Variants in CDKAL1 observed in about 807,000 individuals in gnomAD.
CDKAL1 encodes the protein threonylcarbamoyladenosine tRNA methylthiotransferase.
In CDKAL1, 32 loss-of-function variants were observed where a neutral mutation model predicts 68.2. That is an observed-to-expected ratio of 0.47 (90% confidence interval 0.35 to 0.63). The LOEUF is 0.63. Ranked by LOEUF, CDKAL1 falls within the 30% of genes least tolerant of loss-of-function variation. The pLI is 0.00. For synonymous variants in CDKAL1, 234 were observed against 244.3 expected (o/e 0.96, Z 0.39); for missense variants, 606 against 696.7 (o/e 0.87, Z 1.47).
intron 9 of CDKAL1, among the ~76,000 whole-genome samples, chr6:20,874,695 G>T (rs530854634): frequency 1.3e-5 from 2 of 151,894 alleles, no homozygotes; most frequent in South Asian, 2.1e-4. Flanking sequence ...TGGAGATGGG[G>T]TTTCACCATG....
chr6:21,167,301 T>C (rs1347733842), intron 13 of CDKAL1, among the ~76,000 whole-genome samples: 1 of 152,198 alleles, frequency 6.6e-6, no homozygotes, highest in Admixed American at 6.5e-5. Flanking sequence ...AAAGGTACTG[T>C]CAAAGCTGAC....
intron 8 of CDKAL1, among the ~76,000 whole-genome samples, chr6:20,797,794 A>C (rs1270647283): frequency 2.0e-5 from 3 of 147,128 alleles, no homozygotes; most frequent in Non-Finnish European, 3.0e-5. Context: ...ATTTTATTTT[A>C]TTTTATTTTA....
chr6:20,616,839 C>CCACACACACACACACACACACACACA (rs756883799), intron 4 of CDKAL1, among the ~76,000 whole-genome samples: 6 of 121,312 alleles, frequency 4.9e-5, no homozygotes, highest in African/African-American at 1.9e-4. Context: ...CCCGACTCTA[C>CCACACACACACACACACACACACACA]CACACACACA....
intron 9 of CDKAL1, among the ~76,000 whole-genome samples, chr6:20,861,885 G>T (rs1047734634): frequency 2.0e-5 from 3 of 152,196 alleles, no homozygotes; most frequent in Non-Finnish European, 4.4e-5. Context: ...CCAGACATGT[G>T]AATGGAGAAG....
At chr6:20,935,519 T>C (rs771922185) in intron 9 of CDKAL1, among the ~76,000 whole-genome samples, 2 of 151,908 alleles carry the variant, frequency 1.3e-5, no homozygotes, top group Non-Finnish European at 2.9e-5. Context: ...ACCTCTGCCT[T>C]CTGGGTTCAA....
intron 10 of CDKAL1, among the ~76,000 whole-genome samples, chr6:20,960,107 A>C (rs1342049670): frequency 1.3e-5 from 2 of 152,086 alleles, no homozygotes; most frequent in East Asian, 3.9e-4. Context: ...AGATATTATT[A>C]TCCTCAATTT....
intron 9 of CDKAL1, among the ~76,000 whole-genome samples, chr6:20,921,702 A>G (rs969875287): frequency 6.6e-6 from 1 of 152,192 alleles, no homozygotes; most frequent in Non-Finnish European, 1.5e-5. Context: ...AACTGGCAGT[A>G]ACTACTAAGA....
At chr6:20,998,286 C>T (rs1421117069) in intron 10 of CDKAL1, among the ~76,000 whole-genome samples, 1 of 152,122 alleles carries the variant, frequency 6.6e-6, no homozygotes, top group African/African-American at 2.4e-5. Context: ...GGCTCTGCCT[C>T]GCCCAGCTCC....
At chr6:20,680,760 C>T (rs993692214) in intron 5 of CDKAL1, among the ~76,000 whole-genome samples, 5 of 152,188 alleles carry the variant, frequency 3.3e-5, no homozygotes, top group African/African-American at 1.2e-4. Context: ...CCCGGCACGA[C>T]AGGGCACTTT....
intron 4 of CDKAL1, among the ~76,000 whole-genome samples, chr6:20,578,730 A>G (rs575143151): frequency 1.3e-5 from 2 of 152,324 alleles, no homozygotes; most frequent in South Asian, 2.1e-4. Context: ...TTAATTCTCT[A>G]CGGCAGACAT....
At chr6:20,737,288 C>T (rs1285931125) in intron 5 of CDKAL1, among the ~76,000 whole-genome samples, 3 of 152,200 alleles carry the variant, frequency 2.0e-5, no homozygotes, top group African/African-American at 7.2e-5. Context: ...CTCACTGTCA[C>T]CAAGGACACC....
chr6:20,822,747 G>C (rs1777338909), intron 8 of CDKAL1, among the ~76,000 whole-genome samples: 1 of 152,048 alleles, frequency 6.6e-6, no homozygotes, highest in African/African-American at 2.4e-5. Context: ...CCTTCACTCA[G>C]CCCTTCTCCT....
chr6:20,837,362 A>C (rs1777991631), intron 8 of CDKAL1, among the ~76,000 whole-genome samples: 1 of 152,098 alleles, frequency 6.6e-6, no homozygotes, highest in South Asian at 2.1e-4. Flanking sequence ...AGGCGCCAAA[A>C]TATGGTACCT....
chr6:20,759,831 C>T (rs1032418172), intron 7 of CDKAL1, among the ~76,000 whole-genome samples: 1 of 152,062 alleles, frequency 6.6e-6, no homozygotes, highest in Admixed American at 6.6e-5. Flanking sequence ...TTGATTAGCA[C>T]AAATGAAAAC....
At chr6:20,571,219 T>A (rs577860299) in intron 4 of CDKAL1, among the ~76,000 whole-genome samples, 44 of 152,324 alleles carry the variant, frequency 2.9e-4, no homozygotes, top group Admixed American at 5.2e-4. Flanking sequence ...CACCTTGTGA[T>A]CTTAGTCAAG....
intron 9 of CDKAL1, among the ~76,000 whole-genome samples, chr6:20,856,435 T>C (rs762383318): frequency 1.3e-5 from 2 of 152,222 alleles, no homozygotes; most frequent in Non-Finnish European, 2.9e-5. Flanking sequence ...AATTGAATGC[T>C]GTGTCTTATG....
At chr6:20,915,759 T>A (rs1217278691) in intron 9 of CDKAL1, among the ~76,000 whole-genome samples, 1 of 152,204 alleles carries the variant, frequency 6.6e-6, no homozygotes, top group Non-Finnish European at 1.5e-5. Context: ...TGAATGTTCA[T>A]AGCAGCTTTA....
At chr6:20,554,005 C>T (rs545923717) in intron 4 of CDKAL1, among the ~76,000 whole-genome samples, 33 of 148,888 alleles carry the variant, frequency 2.2e-4, no homozygotes, top group South Asian at 1.3e-3. Flanking sequence ...TTTTTAGTAA[C>T]GATGGGGTTT....
intron 4 of CDKAL1, among the ~76,000 whole-genome samples, chr6:20,626,037 G>A (rs761715645): frequency 1.3e-5 from 2 of 152,044 alleles, no homozygotes; most frequent in Non-Finnish European, 2.9e-5. Context: ...AGGGTCCCAC[G>A]GATGTGAATA....
Sources: allele counts gnomAD v4.1 joint callset (sites outside exome capture counted in the v4.1 genomes callset), GRCh38; gene constraint gnomAD v4.1.1; transcripts MANE v1.5; gene names NCBI Gene and HGNC (gene_info 2026-07-23, HGNC 2026-07-21).